PTPRK: variants seen among roughly 807,000 people sequenced by gnomAD.
PTPRK encodes the protein protein tyrosine phosphatase receptor type K, also known as receptor-type tyrosine-protein phosphatase kappa.
PTPRK carries 75 observed loss-of-function variants against 178.0 expected under a neutral mutation model. The observed-to-expected ratio is 0.42, with a 90% CI of 0.35 to 0.51. PTPRK has a LOEUF of 0.51. PTPRK is among the 20% of genes least tolerant of loss of function. The pLI is 0.02. For synonymous variants in PTPRK, 637 were observed against 620.6 expected (o/e 1.03, Z -0.39); for missense variants, 1,441 against 1,797.8 (o/e 0.80, Z 3.59).
chr6:128,126,242 A>G (rs865802637), intron 7 of PTPRK, among the ~76,000 whole-genome samples: 2 of 151,842 alleles, frequency 1.3e-5, no homozygotes, highest in African/African-American at 4.8e-5. Flanking sequence ...GACAGGCCCC[A>G]GCGTGTGATG....
chr6:128,408,395 A>G (rs1478869118), intron 1 of PTPRK, among the ~76,000 whole-genome samples: 1 of 152,154 alleles, frequency 6.6e-6, no homozygotes, highest in African/African-American at 2.4e-5. Flanking sequence ...CAAACAAACA[A>G]ACAAACAAAA....
chr6:128,336,253 T>C (rs1231689266), intron 2 of PTPRK, among the ~76,000 whole-genome samples: 13 of 152,166 alleles, frequency 8.5e-5, no homozygotes, highest in Admixed American at 6.5e-5. Flanking sequence ...AATTGTACTT[T>C]AATGTTTTCA....
At chr6:128,039,133 A>G (rs889250563) in intron 13 of PTPRK, among the ~76,000 whole-genome samples, 2 of 152,196 alleles carry the variant, frequency 1.3e-5, no homozygotes, top group African/African-American at 4.8e-5. Context: ...CAGAGAATGT[A>G]AAGATCTTAA....
intron 13 of PTPRK, among the ~76,000 whole-genome samples, chr6:128,050,092 C>T (rs553179362): frequency 4.4e-4 from 67 of 152,004 alleles, no homozygotes; most frequent in East Asian, 2.9e-3. Context: ...GCGGAGATCA[C>T]GCCATTGAAC....
chr6:127,995,667 T>G (rs1047296172), intron 17 of PTPRK, 129 bp from the exon 18 acceptor site: 8 of 555,916 alleles, frequency 1.4e-5, no homozygotes, highest in Admixed American at 7.1e-5. Context: ...ACCAAATCAG[T>G]CCTTTGAAGA....
At chr6:128,488,430 C>T (rs1853281902) in intron 1 of PTPRK, among the ~76,000 whole-genome samples, 1 of 152,152 alleles carries the variant, frequency 6.6e-6, no homozygotes, top group Non-Finnish European at 1.5e-5. Flanking sequence ...TCAATCCGAT[C>T]AAGTTGCCAC....
chr6:128,102,952 C>T (rs147433709), intron 7 of PTPRK, among the ~76,000 whole-genome samples: 58 of 152,230 alleles, frequency 3.8e-4, no homozygotes, highest in Admixed American at 1.3e-3. Flanking sequence ...AAAGGCCCCA[C>T]CCTCAAGCCT....
intron 12 of PTPRK, among the ~76,000 whole-genome samples, chr6:128,065,513 G>C (rs1781594573): frequency 6.6e-6 from 1 of 152,228 alleles, no homozygotes; most frequent in South Asian, 2.1e-4. Context: ...GGACTTAATT[G>C]AGTCAGCGTA....
chr6:128,374,678 C>T (rs985360811), intron 2 of PTPRK, among the ~76,000 whole-genome samples: 6 of 152,150 alleles, frequency 3.9e-5, no homozygotes, highest in African/African-American at 1.4e-4. Context: ...TGGATTATCA[C>T]AACTGCCTAA....
intron 29 of PTPRK, among the ~76,000 whole-genome samples, chr6:127,971,160 T>C (rs1773858085): frequency 6.6e-6 from 1 of 152,194 alleles, no homozygotes. Context: ...CAATAAAATT[T>C]TTGAGTTAAA....
rs556973520 is a variant in PTPRK, at chr6:128,185,979, T to C, written c.869-1254A>G. 5.7e-4 allele frequency among the ~76,000 whole-genome samples: 87 copies of C among 152,270 alleles called. 1 individual carries two copies. The highest frequency in any genetic ancestry group is 1.7e-3 in the South Asian group (8 of 4,830). On this transcript the variant is annotated intron_variant, in intron 6 of 29. Transcript: ENST00000368226. ...TTTTAACCCTGATTGTATAAAAGTA[T>C]AGTTTCTAGCTTAAAAGCCTCTGAA...
chr6:128,056,449 G>T (rs1176139550), intron 13 of PTPRK, among the ~76,000 whole-genome samples: 2 of 149,818 alleles, frequency 1.3e-5, no homozygotes, highest in Non-Finnish European at 3.0e-5. Context: ...TTTTGAGATG[G>T]AGTCTCTCAC....
At chr6:128,368,693 AAC>A (rs1052216793) in intron 2 of PTPRK, among the ~76,000 whole-genome samples, 27 of 152,246 alleles carry the variant, frequency 1.8e-4, no homozygotes, top group African/African-American at 6.3e-4. Flanking sequence ...TTGTCACCTT[AAC>A]TCCAAGTAGC....
At chr6:128,364,467 T>C (rs1835205987) in intron 2 of PTPRK, among the ~76,000 whole-genome samples, 1 of 152,082 alleles carries the variant, frequency 6.6e-6, no homozygotes, top group Admixed American at 6.6e-5. Flanking sequence ...TATAATTGAT[T>C]TGAAACCTGA....
chr6:128,437,452 T>C (rs1845739338), intron 1 of PTPRK, among the ~76,000 whole-genome samples: 1 of 152,196 alleles, frequency 6.6e-6, no homozygotes, highest in Non-Finnish European at 1.5e-5. Flanking sequence ...CACTATACTA[T>C]ACTCTGCCAC....
chr6:128,252,040 A>G (rs889445020), intron 3 of PTPRK, among the ~76,000 whole-genome samples: 1 of 152,210 alleles, frequency 6.6e-6, no homozygotes, highest in East Asian at 1.9e-4. Flanking sequence ...GTCAAAGCAC[A>G]TGGCAGTGTC....
chr6:128,026,455 G>A (rs752224955), intron 13 of PTPRK, among the ~76,000 whole-genome samples: 1 of 152,172 alleles, frequency 6.6e-6, no homozygotes, highest in African/African-American at 2.4e-5. Context: ...AAACTACTGT[G>A]TGATCTGGGA....
intron 10 of PTPRK, 148 bp from the exon 11 acceptor site, chr6:128,079,066 A>G (rs1784351619): frequency 2.1e-6 from 1 of 472,742 alleles, no homozygotes; most frequent in Non-Finnish European, 3.8e-6. Flanking sequence ...ACATCTCCAA[A>G]TGAATTTCAA....
chr6:128,099,646 T>C (rs574860664), intron 7 of PTPRK, among the ~76,000 whole-genome samples: 2 of 152,190 alleles, frequency 1.3e-5, no homozygotes, highest in South Asian at 4.1e-4. Flanking sequence ...AGCATGACTA[T>C]TGATACACAC....
Sources: gnomAD v4.1 joint callset for allele counts (sites outside exome capture counted in the v4.1 genomes callset) on GRCh38, gnomAD v4.1.1 for gene constraint, MANE v1.5 for transcripts, NCBI Gene and HGNC (gene_info 2026-07-23, HGNC 2026-07-21) for gene names.